TMC1: variants seen among roughly 807,000 people sequenced by gnomAD.
TMC1 encodes the protein transmembrane channel like 1.
TMC1 carries 84 observed loss-of-function variants against 105.8 expected under a neutral mutation model. That is an observed-to-expected ratio of 0.79 (90% CI 0.67 to 0.95). The LOEUF (loss-of-function observed/expected upper bound fraction) is 0.95. Among genes scored for constraint, TMC1 ranks in the 40% least tolerant of loss-of-function variants. The pLI, the probability that TMC1 is intolerant of heterozygous loss-of-function variation, is 0.00. For missense variants in TMC1, 817 were observed against 914.1 expected (o/e 0.89, Z 1.37); for synonymous variants, 315 against 311.5 (o/e 1.01, Z -0.12).
chr9:72,740,543 C>T (rs1827371609), intron 9 of TMC1, among the ~76,000 whole-genome samples: 1 of 152,042 alleles, frequency 6.6e-6, no homozygotes, highest in East Asian at 1.9e-4. Context: ...TTGTTTTTCT[C>T]AAAGTATCTG....
chr9:72,797,080 A>G (rs1218495657), intron 17 of TMC1, among the ~76,000 whole-genome samples: 2 of 152,164 alleles, frequency 1.3e-5, no homozygotes, highest in African/African-American at 2.4e-5. Flanking sequence ...ACAACAGGCA[A>G]GCAGAGAGCC....
At chr9:72,721,340 G>A (rs2117947354) in intron 8 of TMC1, among the ~76,000 whole-genome samples, 1 of 152,260 alleles carries the variant, frequency 6.6e-6, no homozygotes, top group South Asian at 2.1e-4. Context: ...CTTTCCCACA[G>A]TTCTCTGGCC....
rs578234313 is a variant in TMC1 at position 72,551,251 on chromosome 9, G to A, written c.-427-26651G>A. 6.6e-5 allele frequency among the ~76,000 whole-genome samples: 10 copies of A among 152,246 alleles called. 1 individual carries two copies. In the South Asian group the frequency reaches 2.1e-3, roughly 32 times the overall value. On this transcript the variant is annotated intron_variant, in intron 1 of 23. Coordinates refer to ENST00000297784, the MANE Select transcript of TMC1 (RefSeq NM_138691.3). ...TGTAAGACAATACATTAGTGTTATT[G>A]TAAACCACTACATTTTTGGTAATTT...
intron 8 of TMC1, among the ~76,000 whole-genome samples, chr9:72,703,040 G>T (rs1383969984): frequency 6.6e-6 from 1 of 151,660 alleles, no homozygotes; most frequent in African/African-American, 2.4e-5. Flanking sequence ...TTTAACCGTG[G>T]CAATATATAC....
At chr9:72,588,081 G>C (rs939985366) in intron 2 of TMC1, among the ~76,000 whole-genome samples, 1 of 152,102 alleles carries the variant, frequency 6.6e-6, no homozygotes, top group African/African-American at 2.4e-5. Flanking sequence ...GAGCCATTGT[G>C]CCCAGAGAGA....
intron 13 of TMC1, among the ~76,000 whole-genome samples, chr9:72,787,847 G>T (rs1828195307): frequency 6.6e-6 from 1 of 152,146 alleles, no homozygotes; most frequent in African/African-American, 2.4e-5. Context: ...AGATTCTAGG[G>T]GGAATTAAAA....
chr9:72,574,999 G>A, intron 1 of TMC1, among the ~76,000 whole-genome samples: 1 of 152,090 alleles, frequency 6.6e-6, no homozygotes, highest in East Asian at 1.9e-4. Context: ...GACCAGAGCT[G>A]GTGGCCAACT....
chr9:72,695,041 C>T (rs999132163), intron 7 of TMC1, among the ~76,000 whole-genome samples: 5 of 152,100 alleles, frequency 3.3e-5, no homozygotes, highest in African/African-American at 4.8e-5. Flanking sequence ...AGTAGAAACT[C>T]CTAAATAGTG....
chr9:72,575,056 C>T (rs1488975723), intron 1 of TMC1, among the ~76,000 whole-genome samples: 1 of 152,048 alleles, frequency 6.6e-6, no homozygotes, highest in Non-Finnish European at 1.5e-5. Context: ...CCCTCCCAGC[C>T]CCTCCTTGAC....
intron 3 of TMC1, among the ~76,000 whole-genome samples, chr9:72,622,884 C>G (rs146165060): frequency 2.8e-4 from 42 of 152,024 alleles, no homozygotes; most frequent in African/African-American, 9.9e-4. Context: ...AACCCCATCT[C>G]TACTCAAAAG....
intron 5 of TMC1, among the ~76,000 whole-genome samples, chr9:72,684,591 GATA>G (rs1357294927): frequency 2.6e-5 from 4 of 152,002 alleles, no homozygotes; most frequent in Non-Finnish European, 1.5e-5. Context: ...TGTTTTTGCT[GATA>G]ATTCCCTAAT....
chr9:72,632,127 A>C (rs1432818578), intron 4 of TMC1, among the ~76,000 whole-genome samples: 5 of 152,112 alleles, frequency 3.3e-5, no homozygotes, highest in Admixed American at 6.5e-5. Context: ...AGGCCTCAGG[A>C]AGCTTCTATT....
intron 9 of TMC1, among the ~76,000 whole-genome samples, 167 bp from the exon 10 acceptor site, chr9:72,742,277 C>G (rs992414619): frequency 6.6e-6 from 1 of 152,132 alleles, no homozygotes; most frequent in Non-Finnish European, 1.5e-5. Flanking sequence ...TAGTGGAGAA[C>G]AGGGAAACAA....
intron 13 of TMC1, among the ~76,000 whole-genome samples, chr9:72,778,210 T>C (rs1234496821): frequency 6.6e-6 from 1 of 152,168 alleles, no homozygotes; most frequent in Non-Finnish European, 1.5e-5. Flanking sequence ...CCAAGATGGC[T>C]AACAAGATGC....
intron 5 of TMC1, among the ~76,000 whole-genome samples, chr9:72,683,021 C>T (rs1004068695): frequency 1.3e-5 from 2 of 152,194 alleles, no homozygotes; most frequent in African/African-American, 2.4e-5. Context: ...ATTCCAGGAA[C>T]AGCAAAGGGA....
chr9:72,740,069 T>G (rs1449313565), intron 8 of TMC1, 50 bp from the exon 9 acceptor site: 2 of 1,410,856 alleles, frequency 1.4e-6, no homozygotes, highest in Non-Finnish European at 2.0e-6. Context: ...TGTATTCTAG[T>G]CATTGCAACT....
At chr9:72,603,002 A>G (rs1486949917) in intron 2 of TMC1, among the ~76,000 whole-genome samples, 1 of 152,110 alleles carries the variant, frequency 6.6e-6, no homozygotes. Flanking sequence ...TTTTATTTTA[A>G]TGCCATTTAC....
intron 1 of TMC1, among the ~76,000 whole-genome samples, chr9:72,541,405 C>T (rs1214267075): frequency 1.3e-5 from 2 of 152,068 alleles, no homozygotes; most frequent in African/African-American, 4.8e-5. Flanking sequence ...AGCCTAGAAG[C>T]GGCTGGGTGC....
intron 21 of TMC1, 24 bp from the exon 22 acceptor site, chr9:72,830,427 G>GTATTTT: frequency 6.5e-7 from 1 of 1,544,446 alleles, no homozygotes; most frequent in Non-Finnish European, 8.9e-7. Flanking sequence ...ACCTTACACT[G>GTATTTT]TATTTTTTTT....
Sources: gnomAD v4.1 joint callset for allele counts (sites outside exome capture counted in the v4.1 genomes callset) on GRCh38, gnomAD v4.1.1 for gene constraint, MANE v1.5 for transcripts, NCBI Gene and HGNC (gene_info 2026-07-23, HGNC 2026-07-21) for gene names.